FBXO31: variants seen among roughly 807,000 people sequenced by gnomAD.
The protein encoded by FBXO31 is F-box only protein 31.
Under a neutral mutation model 54.4 loss-of-function variants are expected in FBXO31, and 24 were observed. The observed-to-expected ratio is 0.44, with a 90% confidence interval of 0.32 to 0.62. FBXO31 has a LOEUF of 0.62. FBXO31 is among the 20% of genes least tolerant of loss of function. FBXO31 has a pLI of 0.05. For synonymous variants in FBXO31, 388 were observed against 335.6 expected (o/e 1.16, Z -1.71); for missense variants, 665 against 787.1 (o/e 0.84, Z 1.86).
chr16:87,388,644 C>T (rs142313976), upstream of FBXO31: 2 of 152,316 alleles, frequency 1.3e-5, no homozygotes, highest in African/African-American at 4.8e-5. Flanking sequence ...ATTCATTTGA[C>T]AGGTTCTTAC....
chr16:87,359,579 G>C (rs1220599124), intron 2 of FBXO31, among the ~76,000 whole-genome samples: 1 of 152,176 alleles, frequency 6.6e-6, no homozygotes, highest in East Asian at 1.9e-4. Context: ...CTGCCTTGCA[G>C]AAATGAAAAA....
rs79062829 is a variant in FBXO31, at chr16:87,337,307, G to C, written c.733-1043C>G. ...AAGTAAAAATGCCTGGGTACACAGA[G>C]ATGCCACGTGTGGGGTCTGGGACCC... is the stretch of plus-strand genomic sequence containing the variant. On this transcript the variant is annotated intron_variant, in intron 5 of 8. Coordinates refer to ENST00000311635, the MANE Select transcript of FBXO31 (RefSeq NM_024735.5). Among the ~76,000 whole-genome samples, 668 of 152,326 alleles carry C rather than the reference G, an allele frequency of 4.4e-3. 7 individuals are homozygous for C. Among genetic ancestry groups the C allele is most frequent in the African/African-American group, 0.015 (644 of 41,550 alleles).
At chr16:87,376,421 G>A (rs1258800448) in intron 1 of FBXO31, among the ~76,000 whole-genome samples, 1 of 151,944 alleles carries the variant, frequency 6.6e-6, no homozygotes, top group Non-Finnish European at 1.5e-5. Flanking sequence ...TTACAGGTGT[G>A]AGTCACCACG....
At chr16:87,359,832 G>C (rs1306176341) in intron 2 of FBXO31, among the ~76,000 whole-genome samples, 2 of 152,170 alleles carry the variant, frequency 1.3e-5, no homozygotes, top group African/African-American at 2.4e-5. Flanking sequence ...ACATGAAACG[G>C]GGCTGGGGGG....
rs753922291 is a variant in FBXO31, at chr16:87,331,354, G to C, written c.1554C>G (p.Asn518Lys). 1 of 1,614,030 alleles carries C rather than the reference G, an allele frequency of 6.2e-7. No homozygotes were observed. Among genetic ancestry groups the C allele is most frequent in the South Asian group, 1.1e-5 (1 of 91,080 alleles). Residue 518 changes from asparagine (N) to lysine (K), a missense_variant, in exon 9 of 9, where the codon AAC becomes AAG. This residue lies in a region of FBXO31 where 71 missense variants were observed against 105.8 expected (regional missense o/e 0.67). Coordinates refer to ENST00000311635, the MANE Select transcript of FBXO31 (RefSeq NM_024735.5). ...AGGCCTGTGGGGACGGCGCATCTGCGTTCCGGAAGGTGGCCTGGACCCGGC... is the reference window on the plus strand; with the variant it reads ...AGGCCTGTGGGGACGGCGCATCTGCCTTCCGGAAGGTGGCCTGGACCCGGC... Reference protein sequence around the residue: ...LYSRVQATFRNADAPSPQAFD... With the variant: ...LYSRVQATFRKADAPSPQAFD...
In FBXO31 at chr16:87,336,946, A is replaced by G. The variant is rs1905060652; in HGVS notation, c.733-682T>C. Among the ~76,000 whole-genome samples the G allele has an allele frequency of 6.6e-6, 1 of 152,186 alleles. No individual in the cohort carries two copies. The highest frequency in any genetic ancestry group is 2.4e-5 in the African/African-American group (1 of 41,452). On this transcript the variant is annotated intron_variant, in intron 5 of 8. Coordinates refer to ENST00000311635, the MANE Select transcript of FBXO31 (RefSeq NM_024735.5). This position sits in a 1 kb window ranked among gnomAD's most constrained non-coding sequence, Gnocchi z 6.5. ...AACTTCCAAGTTCCCAGCTCAATAC[A>G]GTGTTTCCAGTCATTATCTAGACCT...
upstream of FBXO31, among the ~76,000 whole-genome samples, chr16:87,390,171 C>T (rs1029804084): frequency 1.3e-5 from 2 of 152,078 alleles, no homozygotes; most frequent in Non-Finnish European, 2.9e-5. Flanking sequence ...TTCCCAGCTA[C>T]TGGGGAGGCT....
chr16:87,360,487 GCAT>G, intron 1 of FBXO31, 121 bp from the exon 2 acceptor site: 1 of 758,320 alleles, frequency 1.3e-6, no homozygotes, highest in Non-Finnish European at 2.3e-6. Context: ...TCTCCAGAGT[GCAT>G]CTGTCACTGT....
intron 2 of FBXO31, among the ~76,000 whole-genome samples, chr16:87,359,659 C>T (rs931604321): frequency 2.0e-5 from 3 of 152,120 alleles, no homozygotes; most frequent in Admixed American, 1.3e-4. Flanking sequence ...TCACAGAAAC[C>T]CTCTGACCAT....
At chr16:87,391,425 C>T (rs1162272757), upstream of FBXO31, among the ~76,000 whole-genome samples, 2 of 152,202 alleles carry the variant, frequency 1.3e-5, no homozygotes, top group Non-Finnish European at 2.9e-5. Context: ...ATTTGGAGTC[C>T]TCAAATATGA....
chr16:87,357,327 C>CTT lies in FBXO31; in HGVS notation c.412+2966_412+2967dup, dbSNP rs34678078. Reference sequence around the variant, plus strand: ...AGAGCTCCATCAAAAGAATTCGGTTCTTTTTTTTTTTTTTTTTTTGAGACA... The same window carrying CTT: ...AGAGCTCCATCAAAAGAATTCGGTTCTTTTTTTTTTTTTTTTTTTTTGAGACA... On this transcript the variant is annotated intron_variant, in intron 2 of 8. Transcript: ENST00000311635. Among the ~76,000 whole-genome samples the CTT allele has an allele frequency of 1.3e-3, 157 of 123,390 alleles. 1 individual carries two copies. Among genetic ancestry groups the CTT allele is most frequent in the Non-Finnish European group, 1.1e-3 (65 of 58,318 alleles). The allele number at this position is 123,390 out of a possible 152,430, so 80.9% of individuals were successfully genotyped here.
At position 87,331,435 on chromosome 16, in the gene FBXO31, G is replaced by A. The variant is rs141426651; in HGVS notation, c.1473C>T (p.Phe491=). Reference sequence around the variant, plus strand: ...AGACGAACCCGAAGCGGTCCTCATCGAAGAGGATGAAGACCCCGGGGGTGC... The same window carrying A: ...AGACGAACCCGAAGCGGTCCTCATCAAAGAGGATGAAGACCCCGGGGGTGC... ...PERTPGVFIL[F]DEDRFGFVWL... is the part of the protein sequence containing the mutation. Residue 491 remains phenylalanine, a synonymous_variant, in exon 9 of 9, where the codon TTC becomes TTT. Transcript: ENST00000311635. 4.3e-6 allele frequency: 7 copies of A among 1,613,588 alleles called. No homozygotes were observed. In the East Asian group the frequency reaches 6.7e-5, roughly 15 times the overall value.
At chr16:87,387,091 G>T (rs540513206), upstream of FBXO31, among the ~76,000 whole-genome samples, 398 of 151,902 alleles carry the variant, frequency 2.6e-3, no homozygotes, top group African/African-American at 9.0e-3. Context: ...TTGAGCCCAG[G>T]AGACTAGCTT....
chr16:87,391,781 C>CAG (rs1310458316), upstream of FBXO31: 1 of 152,268 alleles, frequency 6.6e-6, no homozygotes, highest in Non-Finnish European at 1.5e-5. Flanking sequence ...CCCCTGCACG[C>CAG]AGAGGGGGCC....
At chr16:87,381,218 C>A (rs1028571262) in intron 1 of FBXO31, among the ~76,000 whole-genome samples, 3 of 152,050 alleles carry the variant, frequency 2.0e-5, no homozygotes, top group Admixed American at 2.0e-4. Context: ...TACTAATACT[C>A]AGTTCTCACA....
chr16:87,363,827 T>C (rs1480148006), intron 1 of FBXO31, among the ~76,000 whole-genome samples: 1 of 8,022 alleles, frequency 1.2e-4, no homozygotes, highest in Non-Finnish European at 5.9e-3. Context: ...TACAAATAAC[T>C]GGAGCAACAA....
At chr16:87,378,996 CATAG>C (rs1260538334) in intron 1 of FBXO31, among the ~76,000 whole-genome samples, 1 of 150,736 alleles carries the variant, frequency 6.6e-6, no homozygotes, top group Non-Finnish European at 1.5e-5. Flanking sequence ...TAGATATAGA[CATAG>C]ATATAGATAT....
chr16:87,365,191 G>C (rs916970563), intron 1 of FBXO31, among the ~76,000 whole-genome samples: 2 of 150,674 alleles, frequency 1.3e-5, no homozygotes, highest in Non-Finnish European at 3.0e-5. Context: ...GAGCCTCTGG[G>C]CCAGGCCAAG....
chr16:87,373,589 G>C (rs1017675564), intron 1 of FBXO31, among the ~76,000 whole-genome samples: 4 of 151,568 alleles, frequency 2.6e-5, no homozygotes, highest in Non-Finnish European at 5.9e-5. Flanking sequence ...GAGTGCAGCG[G>C]TATGAACAAG....
Sources: gnomAD v4.1 joint callset for allele counts (sites outside exome capture counted in the v4.1 genomes callset) on GRCh38, gnomAD v4.1.1 for gene constraint, gnomAD v4.1.1 regional missense constraint, Gnocchi (gnomAD v3.1) non-coding constraint, MANE v1.5 for transcripts, NCBI Gene and HGNC (gene_info 2026-07-23, HGNC 2026-07-21) for gene names.